Variants in CCDC7 observed in about 807,000 individuals in gnomAD.
CCDC7 encodes coiled-coil domain-containing protein 7.
A neutral mutation model predicts 196.9 loss-of-function variants in CCDC7; 183 were observed. That is an observed-to-expected ratio of 0.93 (90% confidence interval 0.82 to 1.05). The LOEUF is 1.05. CCDC7 is among the 50% of genes least tolerant of loss of function. The probability of loss-of-function intolerance (pLI) is 0.00; values close to 1 mark genes in which losing one functional copy is unlikely to be tolerated. For synonymous variants in CCDC7, 525 were observed against 484.6 expected (o/e 1.08, Z -1.10); for missense variants, 1,540 against 1,482.2 (o/e 1.04, Z -0.64).
intron 41 of CCDC7, among the ~76,000 whole-genome samples, chr10:32,875,063 T>C (rs2094559590): frequency 6.6e-6 from 1 of 151,956 alleles, no homozygotes; most frequent in African/African-American, 2.4e-5. Context: ...ATTTTCCCAA[T>C]TTATGTTTTT....
chr10:32,600,372 T>C (rs1470569475), intron 18 of CCDC7, among the ~76,000 whole-genome samples: 2 of 151,994 alleles, frequency 1.3e-5, no homozygotes, highest in Admixed American at 1.3e-4. Context: ...TCATTGTTGG[T>C]GTATAGTAGT....
intron 29 of CCDC7, among the ~76,000 whole-genome samples, chr10:32,781,613 A>G (rs2081074776): frequency 6.6e-6 from 1 of 152,192 alleles, no homozygotes; most frequent in Non-Finnish European, 1.5e-5. Context: ...ATACCCTTTC[A>G]CGTAAAAACA....
At chr10:32,841,659 A>G (rs2092980040) in intron 33 of CCDC7, among the ~76,000 whole-genome samples, 1 of 152,158 alleles carries the variant, frequency 6.6e-6, no homozygotes, top group Non-Finnish European at 1.5e-5. Flanking sequence ...AGCCAAAGCA[A>G]GACTAAGCAA....
chr10:32,802,418 C>T (rs1387010196), intron 29 of CCDC7, among the ~76,000 whole-genome samples: 2 of 152,054 alleles, frequency 1.3e-5, no homozygotes, highest in Non-Finnish European at 2.9e-5. Flanking sequence ...AAGTAGAATC[C>T]TTAGCATTTT....
chr10:32,759,697 G>A (rs1392895837), intron 28 of CCDC7, among the ~76,000 whole-genome samples: 1 of 152,194 alleles, frequency 6.6e-6, no homozygotes, highest in Admixed American at 6.5e-5. Context: ...AGGACTTCAT[G>A]TCTAAAACAC....
At chr10:32,529,158 G>T (rs948276060) in intron 11 of CCDC7, among the ~76,000 whole-genome samples, 4 of 152,036 alleles carry the variant, frequency 2.6e-5, no homozygotes, top group Admixed American at 2.6e-4. Flanking sequence ...AGTAACTGGG[G>T]ATTACAGGAA....
At chr10:32,681,028 G>A (rs997306067) in intron 21 of CCDC7, among the ~76,000 whole-genome samples, 1 of 152,160 alleles carries the variant, frequency 6.6e-6, no homozygotes, top group Admixed American at 6.5e-5. Flanking sequence ...GTCCCTGAGT[G>A]CTTTCCTGGA....
chr10:32,558,964 T>C (rs2054848996), intron 13 of CCDC7, among the ~76,000 whole-genome samples: 1 of 152,226 alleles, frequency 6.6e-6, no homozygotes, highest in African/African-American at 2.4e-5. Flanking sequence ...ACTCCCGCCC[T>C]AATACTGTGG....
chr10:32,529,224 G>A (rs770543725), intron 11 of CCDC7, among the ~76,000 whole-genome samples: 1 of 152,046 alleles, frequency 6.6e-6, no homozygotes, highest in Non-Finnish European at 1.5e-5. Context: ...GGTTTCACAT[G>A]TTGGCCAGGC....
rs200270092 is a variant in CCDC7, at chr10:32,612,056, GA to G, written c.1802-22196del. 6.6e-3 allele frequency among the ~76,000 whole-genome samples: 1,008 copies of G among 152,310 alleles called. 8 individuals are homozygous for G. Among genetic ancestry groups the G allele is most frequent in the African/African-American group, 0.022 (903 of 41,562 alleles). On this transcript the variant is annotated intron_variant, in intron 18 of 41. Transcript: ENST00000639629. ...TTGATTCTTCCTATCCATGAGCATG[GA>G]ATGTTTTTCCATTTGTTTGTGTCCA...
At chr10:32,620,827 T>C (rs976312135) in intron 18 of CCDC7, among the ~76,000 whole-genome samples, 11 of 152,198 alleles carry the variant, frequency 7.2e-5, no homozygotes, top group Admixed American at 1.3e-4. Flanking sequence ...TCATTGTTAC[T>C]ACTTTCAGCA....
At chr10:32,790,516 A>G (rs2082527300) in intron 29 of CCDC7, among the ~76,000 whole-genome samples, 1 of 152,206 alleles carries the variant, frequency 6.6e-6, no homozygotes, top group South Asian at 2.1e-4. Flanking sequence ...TCAGCCTTGC[A>G]GAACATGGGC....
chr10:32,614,526 T>G (rs2062565534), intron 18 of CCDC7, among the ~76,000 whole-genome samples: 1 of 152,166 alleles, frequency 6.6e-6, no homozygotes, highest in South Asian at 2.1e-4. Flanking sequence ...TTGATTCAGT[T>G]TCTTCATAGT....
At chr10:32,766,503 G>T (rs1468999898) in intron 28 of CCDC7, among the ~76,000 whole-genome samples, 1 of 152,056 alleles carries the variant, frequency 6.6e-6, no homozygotes, top group Non-Finnish European at 1.5e-5. Flanking sequence ...AGAGCCTTCG[G>T]CAAGTTCCTA....
intron 21 of CCDC7, among the ~76,000 whole-genome samples, chr10:32,685,184 T>C: frequency 6.9e-6 from 1 of 144,248 alleles, no homozygotes; most frequent in Non-Finnish European, 1.5e-5. Context: ...TACCTAACGG[T>C]GGCATACAAG....
intron 21 of CCDC7, among the ~76,000 whole-genome samples, chr10:32,668,084 C>T (rs1452340376): frequency 3.9e-5 from 6 of 152,076 alleles, no homozygotes; most frequent in Admixed American, 2.6e-4. Flanking sequence ...AGGTCCTTCA[C>T]GTCCCTTGTA....
chr10:32,500,429 C>A (rs1488580551), intron 9 of CCDC7, among the ~76,000 whole-genome samples: 1 of 147,226 alleles, frequency 6.8e-6, no homozygotes, highest in Non-Finnish European at 1.5e-5. Context: ...CAGGCAGAGG[C>A]GCTCTTCACA....
intron 28 of CCDC7, among the ~76,000 whole-genome samples, chr10:32,746,609 C>G (rs1435279741): frequency 6.6e-6 from 1 of 152,174 alleles, no homozygotes; most frequent in African/African-American, 2.4e-5. Flanking sequence ...CTGCCAGCCT[C>G]TCCTGGGGTC....
chr10:32,548,247 C>T (rs1307859276), intron 13 of CCDC7, among the ~76,000 whole-genome samples: 1 of 152,082 alleles, frequency 6.6e-6, no homozygotes, highest in African/African-American at 2.4e-5. Flanking sequence ...TTGGACCGCA[C>T]AGTCTAAGCT....
Sources: gnomAD v4.1 joint callset for allele counts (sites outside exome capture counted in the v4.1 genomes callset) on GRCh38, gnomAD v4.1.1 for gene constraint, MANE v1.5 for transcripts, NCBI Gene and HGNC (gene_info 2026-07-23, HGNC 2026-07-21) for gene names.